UBN2: variants seen among roughly 807,000 people sequenced by gnomAD.
UBN2 encodes the protein ubinuclein-2.
In UBN2, 35 loss-of-function variants were observed where a neutral mutation model predicts 120.2. That is an observed-to-expected ratio of 0.29 (90% confidence interval 0.22 to 0.39). The LOEUF (loss-of-function observed/expected upper bound fraction) is 0.39. Among genes scored for constraint, UBN2 ranks in the 10% least tolerant of loss-of-function variants. The probability of loss-of-function intolerance (pLI) is 1.00; values close to 1 mark genes in which losing one functional copy is unlikely to be tolerated. For missense variants in UBN2, 1,693 were observed against 1,663.2 expected (o/e 1.02, Z -0.31); for synonymous variants, 661 against 648.7 (o/e 1.02, Z -0.29).
chr7:139,261,360 AAAG>A lies in UBN2; in HGVS notation c.1018_1020del (p.Lys340del). ...AATTCCAGAAAGAGAAGGATGCATT[AAAG>A]AAGGAGTCTAACCCCAAAGTCCCAG... On this transcript the variant is annotated inframe_deletion, in exon 6 of 18. Transcript: ENST00000473989. 2 of 1,614,236 alleles carry A rather than the reference AAAG, an allele frequency of 1.2e-6. No individual in the cohort carries two copies. Among genetic ancestry groups the A allele is most frequent in the Non-Finnish European group, 1.7e-6 (2 of 1,180,048 alleles).
rs551449642 is a variant in UBN2, at chr7:139,265,569, A to T, written c.1396-764A>T. Among the ~76,000 whole-genome samples, 12 of 152,332 alleles carry T rather than the reference A, an allele frequency of 7.9e-5. 1 individual carries two copies. The South Asian group carries it at 1.7e-3, about 21-fold the overall frequency. On this transcript the variant is annotated intron_variant, in intron 6 of 17. Transcript: ENST00000473989. ...GAATGTTATTTTATATGGCAAAAGA[A>T]GGGTGGAATCTGTGTGTGTGTGATT...
At chr7:139,314,010 G>A in the UBN2 span, among the ~76,000 whole-genome samples, 1 of 151,500 alleles carries the variant, frequency 6.6e-6, no homozygotes, top group Admixed American at 6.6e-5. Context: ...CACCATGCCT[G>A]GCTAATTTTG....
downstream of UBN2, among the ~76,000 whole-genome samples, chr7:139,312,256 T>A (rs943552984): frequency 5.9e-5 from 9 of 152,202 alleles, no homozygotes; most frequent in African/African-American, 2.2e-4. Flanking sequence ...AAGTAAGTAG[T>A]GTTGTGTCGT....
At chr7:139,310,835 C>T, downstream of UBN2, among the ~76,000 whole-genome samples, 1 of 152,154 alleles carries the variant, frequency 6.6e-6, no homozygotes, top group Non-Finnish European at 1.5e-5. Flanking sequence ...TTTCAGTTAT[C>T]TTGGAGGTTA....
At chr7:139,263,862 A>C (rs190630678) in intron 6 of UBN2, among the ~76,000 whole-genome samples, 5 of 152,244 alleles carry the variant, frequency 3.3e-5, no homozygotes, top group African/African-American at 9.6e-5. Context: ...ATGTGTGACT[A>C]CTGGATAACT....
At chr7:139,274,171 T>C in intron 11 of UBN2, 97 bp downstream of exon 11, 3 of 1,248,216 alleles carry the variant, frequency 2.4e-6, no homozygotes, top group Non-Finnish European at 3.2e-6. Context: ...TTGATTTTGC[T>C]AAGAACCTAA....
chr7:139,245,010 T>C (rs1234013739), intron 2 of UBN2, among the ~76,000 whole-genome samples: 2 of 151,808 alleles, frequency 1.3e-5, no homozygotes, highest in African/African-American at 2.4e-5. Context: ...CATAGCTCAC[T>C]GCAGCCTTGA....
chr7:139,267,939 C>T (rs1453742669), intron 7 of UBN2, among the ~76,000 whole-genome samples: 1 of 152,222 alleles, frequency 6.6e-6, no homozygotes, highest in Non-Finnish European at 1.5e-5. Context: ...GCAGCCATTA[C>T]TTGTCAGAGC....
At chr7:139,323,104 A>G in the UBN2 span, among the ~76,000 whole-genome samples, 5,288 of 152,220 alleles carry the variant, frequency 0.035, 268 homozygotes, top group African/African-American at 0.11. Flanking sequence ...GAAAAGCAAG[A>G]CCTTCAAATA....
chr7:139,299,301 T>G lies in UBN2; in HGVS notation c.*1465T>G, dbSNP rs1382368497. ...TCATCCATTTATAATGACACTAACC[T>G]AAAAAAAATAGACTGGTAGTGACAA... On this transcript the variant is annotated 3_prime_UTR_variant, in exon 18 of 18. Coordinates refer to ENST00000473989, the MANE Select transcript of UBN2 (RefSeq NM_173569.4). The G allele has an allele frequency of 6.6e-6, 1 of 151,872 alleles. No individual in the cohort carries two copies. The highest frequency in any genetic ancestry group is 2.4e-5 in the African/African-American group (1 of 41,394). The allele number at this position is 151,872 out of a possible 1,614,324, so 9.4% of individuals were successfully genotyped here. A position where few individuals can be genotyped will look rare whatever the true frequency, so the allele number is the denominator to read the frequency against.
chr7:139,325,692 C>G, the UBN2 span, among the ~76,000 whole-genome samples: 1 of 152,194 alleles, frequency 6.6e-6, no homozygotes, highest in Admixed American at 6.5e-5. Flanking sequence ...CAAAATCTCC[C>G]CCCAGTTATG....
At chr7:139,242,135 G>T (rs966587624) in intron 2 of UBN2, among the ~76,000 whole-genome samples, 1 of 152,132 alleles carries the variant, frequency 6.6e-6, no homozygotes, top group African/African-American at 2.4e-5. Context: ...ATACTACTCG[G>T]CTAAGTGGAA....
chr7:139,325,798 G>C, the UBN2 span, among the ~76,000 whole-genome samples: 2 of 152,202 alleles, frequency 1.3e-5, no homozygotes, highest in African/African-American at 4.8e-5. Context: ...ATAGTAAACT[G>C]TTGTCCCAGA....
At chr7:139,316,213 G>A in the UBN2 span, among the ~76,000 whole-genome samples, 23 of 146,442 alleles carry the variant, frequency 1.6e-4, no homozygotes, top group South Asian at 2.4e-3. Context: ...TTATTCTTTT[G>A]ATTTGAATTT....
At chr7:139,272,826 C>T (rs1207188198) in intron 9 of UBN2, among the ~76,000 whole-genome samples, 3 of 152,200 alleles carry the variant, frequency 2.0e-5, no homozygotes, top group Admixed American at 6.5e-5. Context: ...TGCACCTGGA[C>T]GTGCATTTGA....
the UBN2 span, among the ~76,000 whole-genome samples, chr7:139,322,688 C>T: frequency 6.7e-6 from 1 of 150,060 alleles, no homozygotes; most frequent in South Asian, 2.1e-4. Context: ...GGCATCCCAC[C>T]ACACCCAGCA....
At chr7:139,279,463 A>C in intron 13 of UBN2, 103 bp downstream of exon 13, 1 of 808,020 alleles carries the variant, frequency 1.2e-6, no homozygotes, top group Non-Finnish European at 2.0e-6. Flanking sequence ...GTCAGTAGGC[A>C]CTATAAGATA....
Position 139,248,395 on chromosome 7 carries a change from T to C in UBN2, c.562-3561T>C, listed in dbSNP as rs144714147. Among the ~76,000 whole-genome samples, 51 of 152,280 alleles carry C rather than the reference T, an allele frequency of 3.3e-4. No homozygotes were observed. In the East Asian group the frequency reaches 9.1e-3, roughly 27 times the overall value. On this transcript the variant is annotated intron_variant, in intron 2 of 17. Coordinates refer to ENST00000473989, the MANE Select transcript of UBN2 (RefSeq NM_173569.4). Reference sequence around the variant, plus strand: ...TTATTGGTACATTCTTTATCAGCAGTGTTTGAGCAGTCCTATTCTCCATCT... The same window carrying C: ...TTATTGGTACATTCTTTATCAGCAGCGTTTGAGCAGTCCTATTCTCCATCT...
downstream of UBN2, among the ~76,000 whole-genome samples, chr7:139,308,467 T>C (rs1798402592): frequency 6.6e-6 from 1 of 152,160 alleles, no homozygotes; most frequent in African/African-American, 2.4e-5. Context: ...TTGTGTTCCA[T>C]TGCTACCTGA....
Sources: allele counts gnomAD v4.1 joint callset (sites outside exome capture counted in the v4.1 genomes callset), GRCh38; gene constraint gnomAD v4.1.1; transcripts MANE v1.5; gene names NCBI Gene and HGNC (gene_info 2026-07-23, HGNC 2026-07-21).